COL11A2: variants seen among roughly 807,000 people sequenced by gnomAD.
COL11A2 encodes collagen alpha-2(XI) chain.
Under a neutral mutation model 273.4 loss-of-function variants are expected in COL11A2, and 116 were observed. The observed-to-expected ratio is 0.42, with a 90% CI of 0.36 to 0.49. The LOEUF (loss-of-function observed/expected upper bound fraction) is 0.49. Among genes scored for constraint, COL11A2 ranks in the 20% least tolerant of loss-of-function variants. The pLI, the probability that COL11A2 is intolerant of heterozygous loss-of-function variation, is 0.00. For synonymous variants in COL11A2, 782 were observed against 864.2 expected, an observed-to-expected ratio of 0.90 and a Z score of 1.67; for missense variants, 1,866 against 2,309.0, an observed-to-expected ratio of 0.81 and a Z score of 3.93.
In COL11A2 at chr6:33,169,701, T is replaced by TA. The variant is rs1351782984; in HGVS notation, c.3690+129dup. ...CACTCAGACCAGGGATCAGGCCTCA[T>TA]AGAGGATGGCAGGGAGCAGAGACTC... On this transcript the variant is annotated intron_variant, in intron 50 of 65. Coordinates refer to ENST00000341947, the MANE Select transcript of COL11A2 (RefSeq NM_080680.3). The surrounding 1 kb of genome is among the most constrained non-coding windows in gnomAD (Gnocchi z 5.5). The TA allele has an allele frequency of 1.6e-6, 2 of 1,252,008 alleles. No individual in the cohort carries two copies. The highest frequency in any genetic ancestry group is 3.4e-5 in the Admixed American group (2 of 58,770). The allele number at this position is 1,252,008 out of a possible 1,614,324, so 77.6% of individuals were successfully genotyped here.
In COL11A2 at chr6:33,176,937, T is replaced by G. The variant is rs907236231; in HGVS notation, c.2070+55A>C. 1 of 1,582,966 alleles carries G rather than the reference T, an allele frequency of 6.3e-7. No individual in the cohort carries two copies. The highest frequency in any genetic ancestry group is 8.6e-7 in the Non-Finnish European group (1 of 1,161,338). On this transcript the variant is annotated intron_variant, in intron 25 of 65. Transcript: ENST00000341947. This position sits in a 1 kb window ranked among gnomAD's most constrained non-coding sequence, Gnocchi z 4.9. The stretch of plus-strand genomic sequence containing the variant: ...GGTCACTAAAGGAGCTCTGAGGTCA[T>G]GCACTGGGGTGGAAGGCCAAGGGGA...
chr6:33,168,984 G>C lies in COL11A2; in HGVS notation c.3823C>G (p.Pro1275Ala). ...GGGCCACCTTCTCCAGGGGGGCCAG[G>C]GTCACCAGGAAAACCAACAGGACCC... The part of the protein sequence containing the change: ...NPGPVGFPGD[P>A]GPPGEGGPRG... Residue 1275 changes from proline to alanine, a missense_variant, in exon 52 of 66, where the codon CCT (proline) becomes GCT (alanine). Coordinates refer to ENST00000341947, the MANE Select transcript of COL11A2 (RefSeq NM_080680.3). 1 of 1,609,480 alleles carries C rather than the reference G, an allele frequency of 6.2e-7. No homozygotes were observed. Among genetic ancestry groups the C allele is most frequent in the Non-Finnish European group, 8.5e-7 (1 of 1,178,178 alleles).
At chr6:33,168,469 AC>A in intron 54 of COL11A2, 49 bp downstream of exon 54, 1 of 1,604,736 alleles carries the variant, frequency 6.2e-7, no homozygotes, top group Non-Finnish European at 8.5e-7. Context: ...GCCTCCACCC[AC>A]ACAGCCCAGG....
upstream of COL11A2, chr6:33,192,619 G>A (rs1352871088): frequency 2.7e-6 from 1 of 374,084 alleles, no homozygotes; most frequent in East Asian, 6.5e-5. Context: ...TCTATCGCTC[G>A]CTCTCTCCTG....
chr6:33,167,055 C>G lies in COL11A2; in HGVS notation c.4230+15G>C. ...ATGGGAGAGACACCTGGCCACGTGT[C>G]TGTCTGTCACTCACCTTCTCTCCCT... On this transcript the variant is annotated intron_variant, in intron 58 of 65. Coordinates refer to ENST00000341947, the MANE Select transcript of COL11A2 (RefSeq NM_080680.3). The surrounding 1 kb of genome is among the most constrained non-coding windows in gnomAD (Gnocchi z 6.1). The G allele has an allele frequency of 6.2e-7, 1 of 1,613,226 alleles. No individual in the cohort carries two copies. The highest frequency in any genetic ancestry group is 8.5e-7 in the Non-Finnish European group (1 of 1,179,952).
Position 33,173,096 on chromosome 6 carries a change from G to A in COL11A2, c.2754C>T (p.Thr918=), listed in dbSNP as rs762875061. The change falls in exon 38 of 66, where the codon ACC becomes ACT. Residue 918 remains threonine, a synonymous_variant. Coordinates refer to ENST00000341947, the MANE Select transcript of COL11A2 (RefSeq NM_080680.3). This position sits in a 1 kb window ranked among gnomAD's most constrained non-coding sequence, Gnocchi z 6.3. ...CCACTCCTGGAGGACCAGGGGGGCC[G>A]GTCTTCCCTTGGAAACCCTAGGCGA... The part of the protein sequence containing the change: ...QRGEVGFQGK[T]GPPGPPGVVG... The A allele has an allele frequency of 1.2e-5, 19 of 1,611,748 alleles. No individual in the cohort carries two copies. Among genetic ancestry groups the A allele is most frequent in the South Asian group, 3.3e-5 (3 of 90,898 alleles).
chr6:33,167,470 C>G lies in COL11A2; in HGVS notation c.4078G>C (p.Gly1360Arg). ...CTCAGACCATCAGGGCCAGGTTTCC[C>G]TGCTGGGCCTGCAGGACCCACCGGG... Reference protein sequence around the residue: ...TGPVGPAGPAGKPGPDGLRGL... With the variant: ...TGPVGPAGPARKPGPDGLRGL... The change falls in exon 56 of 66, where the codon GGG becomes CGG. Residue 1360 changes from glycine to arginine, a missense_variant. Coordinates refer to ENST00000341947, the MANE Select transcript of COL11A2 (RefSeq NM_080680.3). The surrounding 1 kb of genome is among the most constrained non-coding windows in gnomAD (Gnocchi z 6.1). 1 of 1,612,886 alleles carries G rather than the reference C, an allele frequency of 6.2e-7. No individual in the cohort carries two copies. Among genetic ancestry groups the G allele is most frequent in the Non-Finnish European group, 8.5e-7 (1 of 1,180,008 alleles).
Position 33,179,323 on chromosome 6 carries a change from C to G in COL11A2, c.1504-39G>C. On this transcript the variant is annotated intron_variant, in intron 14 of 65. Transcript: ENST00000341947. The surrounding 1 kb of genome is among the most constrained non-coding windows in gnomAD (Gnocchi z 6.4). ...GAGAGGATGGCCGTAAGGAAGGACA[C>G]AGCCAACAGTGGCCTCGGAGTGTTC... 6.3e-7 allele frequency: 1 copy of G among 1,598,892 alleles called. No homozygotes were observed. Among genetic ancestry groups the G allele is most frequent in the African/African-American group, 1.3e-5 (1 of 74,924 alleles).
In COL11A2 at chr6:33,174,061, G is replaced by T; in HGVS notation, c.2485-6C>A. 6.2e-7 allele frequency: 1 copy of T among 1,613,794 alleles called. No homozygotes were observed. Among genetic ancestry groups the T allele is most frequent in the African/African-American group, 1.3e-5 (1 of 75,004 alleles). ...CCTGACTTCCCCGACAGGCCCTGGT[G>T]GGAATGAAGCAGAGAGAACATTACC... On this transcript the variant is annotated splice_region_variant and splice_polypyrimidine_tract_variant and intron_variant, in intron 32 of 65. Transcript: ENST00000341947.
At chr6:33,171,648 T>A in intron 42 of COL11A2, 65 bp downstream of exon 42, 10 of 1,595,560 alleles carry the variant, frequency 6.3e-6, no homozygotes, top group Non-Finnish European at 8.6e-6. Flanking sequence ...AAACTTGTCA[T>A]AGCCCATCAA....
chr6:33,173,683 C>T lies in COL11A2; in HGVS notation c.2628+18G>A. On this transcript the variant is annotated intron_variant, in intron 35 of 65. Coordinates refer to ENST00000341947, the MANE Select transcript of COL11A2 (RefSeq NM_080680.3). This position sits in a 1 kb window ranked among gnomAD's most constrained non-coding sequence, Gnocchi z 6.3. ...CCCTGGGGACCTCAGGGGAAGGGGA[C>T]TTTCGATCCACACTCACCCTCTCTC... 1 of 1,562,108 alleles carries T rather than the reference C, an allele frequency of 6.4e-7. No individual in the cohort carries two copies.
rs1772236877 is a variant in COL11A2, at chr6:33,185,181, A to G, written c.877-127T>C. On this transcript the variant is annotated intron_variant, in intron 6 of 65. Coordinates refer to ENST00000341947, the MANE Select transcript of COL11A2 (RefSeq NM_080680.3). ...TCTGTCTGTGCTGGGGGATGGGGGA[A>G]ATCTCAGATCTTGCAGCCCCTTTGG... 4.0e-6 allele frequency: 3 copies of G among 741,216 alleles called. No homozygotes were observed. In the African/African-American group the frequency reaches 5.2e-5, roughly 13 times the overall value. The allele number at this position is 741,216 out of a possible 1,614,324, so 45.9% of individuals were successfully genotyped here. A position where few individuals can be genotyped will look rare whatever the true frequency, so the allele number is the denominator to read the frequency against.
rs957902805 is a variant in COL11A2 at position 33,171,762 on chromosome 6, C to T, written c.3101G>A (p.Arg1034His). 3.0e-5 allele frequency: 49 copies of T among 1,612,756 alleles called. No individual in the cohort carries two copies. Among genetic ancestry groups the T allele is most frequent in the African/African-American group, 1.1e-4 (8 of 74,880 alleles). Residue 1034 changes from arginine (R) to histidine (H), a missense_variant, in exon 42 of 66, where the codon CGC becomes CAC. By Grantham distance (29) the Arg-to-His change is conservative. Transcript: ENST00000341947. ...GSGGPIGPPG[R>H]PGPQGPPGAA... ...TCCAGGGGGACCCTGCGGGCCTGGG[C>T]GCCCTGGCGGACCAATGGGTCCCCC...
rs771614270 is a variant in COL11A2, at chr6:33,165,976, G to A, written c.4437C>T (p.Gly1479=). The A allele has an allele frequency of 9.3e-6, 15 of 1,613,872 alleles. No individual in the cohort carries two copies. Among genetic ancestry groups the A allele is most frequent in the Non-Finnish European group, 1.2e-5 (14 of 1,180,012 alleles). ...PKGAKGATGP[G]GPKGEKGVQG... is the part of the protein sequence containing the mutation. Reference sequence around the variant, plus strand: ...GCACACCCTTCTCTCCCTTGGGTCCGCCTGGGCCCTGACAAGGAATAAATC... The same window carrying A: ...GCACACCCTTCTCTCCCTTGGGTCCACCTGGGCCCTGACAAGGAATAAATC... The change falls in exon 62 of 66, where the codon GGC becomes GGT. Residue 1479 remains glycine, a synonymous_variant. Coordinates refer to ENST00000341947, the MANE Select transcript of COL11A2 (RefSeq NM_080680.3). The surrounding 1 kb of genome is among the most constrained non-coding windows in gnomAD (Gnocchi z 7.7).
chr6:33,171,058 G>A, intron 45 of COL11A2, 56 bp downstream of exon 45: 5 of 1,575,868 alleles, frequency 3.2e-6, no homozygotes, highest in Non-Finnish European at 3.5e-6. Flanking sequence ...GCAGAGGGGA[G>A]CTGAGGGAGG....
chr6:33,187,152 T>C (rs1772533965), intron 4 of COL11A2, among the ~76,000 whole-genome samples: 1 of 152,082 alleles, frequency 6.6e-6, no homozygotes, highest in Non-Finnish European at 1.5e-5. Flanking sequence ...ATTCTTTGCC[T>C]CCCCTCTGCG....
chr6:33,188,870 G>A (rs570327159), intron 3 of COL11A2, 108 bp downstream of exon 3: 4 of 1,266,002 alleles, frequency 3.2e-6, no homozygotes, highest in Non-Finnish European at 4.6e-6. Context: ...GGTAGGTGTG[G>A]TGTGGCCCAA....
chr6:33,166,709 C>T lies in COL11A2; in HGVS notation c.4338+11G>A. On this transcript the variant is annotated intron_variant, in intron 59 of 65. Coordinates refer to ENST00000341947, the MANE Select transcript of COL11A2 (RefSeq NM_080680.3). The surrounding 1 kb of genome is among the most constrained non-coding windows in gnomAD (Gnocchi z 4.8). Reference sequence around the variant, plus strand: ...ACCCCCACAACTTCCGGGACCATGCCCTCTACTCACCATCTCACCCTTCTG... The same window carrying T: ...ACCCCCACAACTTCCGGGACCATGCTCTCTACTCACCATCTCACCCTTCTG... 6.2e-7 allele frequency: 1 copy of T among 1,613,834 alleles called. No individual in the cohort carries two copies. The highest frequency in any genetic ancestry group is 8.5e-7 in the Non-Finnish European group (1 of 1,179,950).
rs1448545641 is a variant in COL11A2 at position 33,192,274 on chromosome 6, C to A, written c.-34G>T. ...AGCCGAAACGCCGGGTCCCAGGGAC[C>A]CAGGTCGGCCTGAGACGCTGGATGC... On this transcript the variant is annotated 5_prime_UTR_variant, in exon 1 of 66. Coordinates refer to ENST00000341947, the MANE Select transcript of COL11A2 (RefSeq NM_080680.3). 3 of 1,547,760 alleles carry A rather than the reference C, an allele frequency of 1.9e-6. No homozygotes were observed. Among genetic ancestry groups the A allele is most frequent in the Non-Finnish European group, 2.6e-6 (3 of 1,145,694 alleles).
Sources: gnomAD v4.1 joint callset for allele counts (sites outside exome capture counted in the v4.1 genomes callset) on GRCh38, gnomAD v4.1.1 for gene constraint, Gnocchi (gnomAD v3.1) non-coding constraint, MANE v1.5 for transcripts, NCBI Gene and HGNC (gene_info 2026-07-23, HGNC 2026-07-21) for gene names.